The following ACADM variants were observed in gnomAD, a reference collection of about 807,000 sequenced individuals.
The protein encoded by ACADM is medium-chain specific acyl-CoA dehydrogenase, mitochondrial.
Under a neutral mutation model 58.9 loss-of-function variants are expected in ACADM, and 49 were observed. The ratio of observed to expected loss-of-function variants is 0.83; its 90% CI spans 0.66 to 1.06. The LOEUF is 1.06. Ranked by LOEUF, ACADM falls within the 50% of genes least tolerant of loss-of-function variation. ACADM has a pLI of 0.00. For missense variants in ACADM, 496 were observed against 507.0 expected, an observed-to-expected ratio of 0.98 and a Z score of 0.21; for synonymous variants, 160 against 157.7, an observed-to-expected ratio of 1.01 and a Z score of -0.11.
intron 2 of ACADM, 69 bp downstream of exon 2, chr1:75,728,557 T>A: frequency 8.4e-7 from 1 of 1,186,474 alleles, no homozygotes. Context: ...TTGTTTGGAA[T>A]ATGTTTGTAA....
At chr1:75,746,051 G>A in intron 8 of ACADM, 137 bp downstream of exon 8, 1 of 688,464 alleles carries the variant, frequency 1.5e-6, no homozygotes, top group Admixed American at 2.5e-5. Flanking sequence ...GATGATATTA[G>A]ATCAAATAGT....
chr1:75,729,269 C>T (rs934949716), intron 2 of ACADM, among the ~76,000 whole-genome samples: 257 of 84,634 alleles, frequency 3.0e-3, no homozygotes, highest in Middle Eastern at 6.8e-3. Context: ...TGAAATTTTT[C>T]TTTTCTTTTT....
chr1:75,746,411 A>G (rs564928253), intron 8 of ACADM, among the ~76,000 whole-genome samples: 41 of 152,326 alleles, frequency 2.7e-4, no homozygotes, highest in African/African-American at 8.7e-4. Flanking sequence ...GAATATGGAA[A>G]GGCAAGAAAA....
At position 75,761,386 on chromosome 1, in the gene ACADM, A is replaced by AT. The variant is rs759041992; in HGVS notation, c.1194+23dup. 3.1e-6 allele frequency: 5 copies of AT among 1,613,338 alleles called. No homozygotes were observed. The highest frequency in any genetic ancestry group is 2.2e-5 in the East Asian group (1 of 44,852). ...AATCTATCAGGTAAGGTTAAAGATG[A>AT]TTTTTTTGGTTTGCAAGGAGAGAGA... On this transcript the variant is annotated intron_variant, in intron 11 of 11. Transcript: ENST00000370841.
At chr1:75,758,541 G>T (rs761163618) in intron 10 of ACADM, among the ~76,000 whole-genome samples, 3 of 152,216 alleles carry the variant, frequency 2.0e-5, no homozygotes, top group Admixed American at 6.5e-5. Flanking sequence ...CCTGGGTCGA[G>T]TGGGGACTTG....
At chr1:75,731,555 A>G (rs1336087067) in intron 2 of ACADM, among the ~76,000 whole-genome samples, 1 of 152,174 alleles carries the variant, frequency 6.6e-6, no homozygotes, top group Non-Finnish European at 1.5e-5. Flanking sequence ...CCTCTCCTCA[A>G]TCAAGCCACC....
At chr1:75,733,128 C>T (rs1219823059) in intron 4 of ACADM, 1 of 1,612,824 alleles carries the variant, frequency 6.2e-7, no homozygotes, top group South Asian at 1.1e-5. Context: ...TGGTTCCAAC[C>T]TTAACTTGCA....
rs1438207415 is a variant in ACADM, at chr1:75,762,770, T to A, written c.*7T>A. ...TGACAAGTACAAAAATTAAAAAAATTACTGTAGAAATATTGAATAACTAGA... is the reference window on the plus strand; with the variant it reads ...TGACAAGTACAAAAATTAAAAAAATAACTGTAGAAATATTGAATAACTAGA... On this transcript the variant is annotated 3_prime_UTR_variant, in exon 12 of 12. Coordinates refer to ENST00000370841, the MANE Select transcript of ACADM (RefSeq NM_000016.6). The A allele has an allele frequency of 6.5e-7, 1 of 1,546,810 alleles. No homozygotes were observed. Among genetic ancestry groups the A allele is most frequent in the Admixed American group, 1.7e-5 (1 of 59,662 alleles).
intron 10 of ACADM, among the ~76,000 whole-genome samples, chr1:75,754,013 C>T (rs1041868798): frequency 7.0e-6 from 1 of 143,668 alleles, no homozygotes; most frequent in African/African-American, 2.6e-5. Flanking sequence ...CTAGGCTGGT[C>T]TCGAACTCCT....
At position 75,749,963 on chromosome 1, in the gene ACADM, G is replaced by A. The variant is rs370279288; in HGVS notation, c.849+404G>A. ...CTTGACCTCGTGATCTGCCTACCTCGGCCTCCCAAAGTGCTGGGATTACAG... is the reference window on the plus strand; with the variant it reads ...CTTGACCTCGTGATCTGCCTACCTCAGCCTCCCAAAGTGCTGGGATTACAG... On this transcript the variant is annotated intron_variant, in intron 9 of 11. Transcript: ENST00000370841. Among the ~76,000 whole-genome samples the A allele has an allele frequency of 7.2e-5, 11 of 151,830 alleles. No individual in the cohort carries two copies. In the South Asian group the frequency reaches 1.5e-3, roughly 20 times the overall value.
chr1:75,726,363 T>C (rs1242655107), intron 1 of ACADM, among the ~76,000 whole-genome samples: 2 of 22,510 alleles, frequency 8.9e-5, no homozygotes, highest in Non-Finnish European at 7.7e-5. Flanking sequence ...AGGGAGACTC[T>C]GTCAAAAAAA....
intron 10 of ACADM, among the ~76,000 whole-genome samples, chr1:75,759,637 C>T (rs938601618): frequency 6.9e-6 from 1 of 144,596 alleles, no homozygotes; most frequent in African/African-American, 2.5e-5. Flanking sequence ...CATTATTTTT[C>T]TCTATCTGTA....
chr1:75,726,949 T>C (rs1237858168), intron 1 of ACADM, among the ~76,000 whole-genome samples: 1 of 151,786 alleles, frequency 6.6e-6, no homozygotes, highest in Non-Finnish European at 1.5e-5. Flanking sequence ...GGACTACAGG[T>C]GCGTGCCACC....
intron 2 of ACADM, 57 bp from the exon 3 acceptor site, chr1:75,732,587 C>A: frequency 7.6e-7 from 1 of 1,322,826 alleles, no homozygotes; most frequent in Non-Finnish European, 1.1e-6. Context: ...ATACTGACTT[C>A]ATAGGACATT....
At chr1:75,761,623 G>C (rs1302138997) in intron 11 of ACADM, 1 of 467,936 alleles carries the variant, frequency 2.1e-6, no homozygotes, top group Non-Finnish European at 3.8e-6. Context: ...AGATTTCTTT[G>C]AGTTTTAACA....
At chr1:75,745,208 C>T (rs540985921) in intron 7 of ACADM, among the ~76,000 whole-genome samples, 45 of 152,144 alleles carry the variant, frequency 3.0e-4, no homozygotes, top group Admixed American at 1.8e-3. Flanking sequence ...AAATGTAGGC[C>T]AGGCATGGTG....
At chr1:75,743,471 G>A (rs375875108) in intron 7 of ACADM, 24 of 1,611,654 alleles carry the variant, frequency 1.5e-5, no homozygotes, top group Admixed American at 8.3e-5. Flanking sequence ...TTGATTTTGC[G>A]GAGGAAAGTC....
At chr1:75,731,278 CAAAAAAAAAA>C (rs56885972) in intron 2 of ACADM, among the ~76,000 whole-genome samples, 3 of 64,926 alleles carry the variant, frequency 4.6e-5, no homozygotes, top group African/African-American at 6.0e-5. Flanking sequence ...GACTCCGTCT[CAAAAAAAAAA>C]AAAAAAAAAA....
At chr1:75,740,942 A>G (rs1373867008) in intron 7 of ACADM, among the ~76,000 whole-genome samples, 1 of 152,236 alleles carries the variant, frequency 6.6e-6, no homozygotes, top group Non-Finnish European at 1.5e-5. Context: ...GAAGTTTTTC[A>G]AATATTATTA....
Sources: gnomAD v4.1 joint callset for allele counts (sites outside exome capture counted in the v4.1 genomes callset) on GRCh38, gnomAD v4.1.1 for gene constraint, MANE v1.5 for transcripts, NCBI Gene and HGNC (gene_info 2026-07-23, HGNC 2026-07-21) for gene names.